GDAP1: variants seen among roughly 807,000 people sequenced by gnomAD.
GDAP1 encodes the protein ganglioside-induced differentiation-associated protein 1.
In GDAP1, 34 loss-of-function variants were observed where a neutral mutation model predicts 40.1. The observed-to-expected ratio is 0.85, with a 90% CI of 0.64 to 1.13. The LOEUF is 1.13. Ranked by LOEUF, GDAP1 falls within the 50% of genes most tolerant of loss-of-function variation. GDAP1 has a pLI of 0.00. For synonymous variants in GDAP1, 170 were observed against 157.4 expected (o/e 1.08, Z -0.60); for missense variants, 374 against 433.7 (o/e 0.86, Z 1.22).
In GDAP1 at chr8:74,361,763, A is replaced by C. The variant is rs1385085995; in HGVS notation, c.485-121A>C. The stretch of plus-strand genomic sequence containing the variant: ...GGCATAGACAGGGTAAGCCCAAGGC[A>C]GAGAAGCAGGGCATGAGCCCCAGAG... On this transcript the variant is annotated intron_variant, in intron 3 of 5. Transcript: ENST00000220822. The C allele has an allele frequency of 5.6e-6, 4 of 714,086 alleles. No homozygotes were observed. In the East Asian group the frequency reaches 1.1e-4, roughly 19 times the overall value. 44.2% of individuals were successfully genotyped at this position (714,086 alleles called of 1,614,324 possible).
chr8:74,430,757 A>G (rs1806015621), intron 2 of GDAP1, among the ~76,000 whole-genome samples: 1 of 151,808 alleles, frequency 6.6e-6, no homozygotes, highest in Admixed American at 6.6e-5. Context: ...GTGTTCAGTT[A>G]GGAGCACACC....
intron 2 of GDAP1, among the ~76,000 whole-genome samples, chr8:74,453,587 A>T (rs113570082): frequency 0.083 from 6,946 of 84,152 alleles, 3,024 homozygotes; most frequent in African/African-American, 0.34. Context: ...TGAAACTTTT[A>T]TACATTTGTA....
At chr8:74,355,155 T>G (rs1362786636) in intron 2 of GDAP1, among the ~76,000 whole-genome samples, 1 of 152,210 alleles carries the variant, frequency 6.6e-6, no homozygotes, top group African/African-American at 2.4e-5. Context: ...GAATATCTGT[T>G]GGATAATGGC....
At chr8:74,391,515 G>A (rs753757347) in intron 2 of GDAP1, among the ~76,000 whole-genome samples, 3 of 151,644 alleles carry the variant, frequency 2.0e-5, no homozygotes, top group Non-Finnish European at 4.4e-5. Context: ...TGCACCCACT[G>A]TCTAACCTTT....
intron 2 of GDAP1, among the ~76,000 whole-genome samples, chr8:74,441,489 TA>T (rs964411019): frequency 3.3e-5 from 5 of 152,140 alleles, no homozygotes; most frequent in Admixed American, 6.5e-5. Flanking sequence ...ACTTAGTGAA[TA>T]AAAAGGCTAT....
At chr8:74,459,428 G>A (rs900392460) in intron 2 of GDAP1, among the ~76,000 whole-genome samples, 15 of 152,120 alleles carry the variant, frequency 9.9e-5, no homozygotes, top group Admixed American at 6.5e-5. Context: ...GTCCCAGAGC[G>A]ACCTCTGTGG....
intron 2 of GDAP1, among the ~76,000 whole-genome samples, chr8:74,393,870 A>G (rs908098670): frequency 3.9e-5 from 6 of 152,170 alleles, no homozygotes; most frequent in Non-Finnish European, 8.8e-5. Flanking sequence ...GATAACTAGA[A>G]CCCTGAAGGT....
intron 2 of GDAP1, among the ~76,000 whole-genome samples, chr8:74,388,832 G>C (rs7841578): frequency 0.058 from 8,850 of 152,124 alleles, 878 homozygotes; most frequent in African/African-American, 0.2. Flanking sequence ...TTGTAGGTCT[G>C]TAAGAAATTG....
downstream of GDAP1, among the ~76,000 whole-genome samples, chr8:74,371,628 C>T (rs1169300330): frequency 6.6e-6 from 1 of 151,374 alleles, no homozygotes; most frequent in African/African-American, 2.4e-5. Context: ...CCACTGCACT[C>T]CAGCCTGGGC....
chr8:74,372,103 A>AT (rs1210776162), intron 2 of GDAP1, among the ~76,000 whole-genome samples: 1 of 152,050 alleles, frequency 6.6e-6, no homozygotes, highest in African/African-American at 2.4e-5. Flanking sequence ...TGAACTCATC[A>AT]TTTTTTATGG....
intron 2 of GDAP1, among the ~76,000 whole-genome samples, chr8:74,377,120 G>T (rs1809869478): frequency 1.3e-5 from 2 of 151,966 alleles, no homozygotes; most frequent in Admixed American, 1.3e-4. Flanking sequence ...AGAAAATAAA[G>T]AAAACATTTA....
At chr8:74,461,274 C>A (rs1182244515) in intron 2 of GDAP1, among the ~76,000 whole-genome samples, 1 of 152,158 alleles carries the variant, frequency 6.6e-6, no homozygotes, top group Non-Finnish European at 1.5e-5. Flanking sequence ...AATATAGATA[C>A]TTTCCCGGGA....
At chr8:74,358,073 T>A (rs1301402895) in intron 2 of GDAP1, among the ~76,000 whole-genome samples, 1 of 152,210 alleles carries the variant, frequency 6.6e-6, no homozygotes, top group African/African-American at 2.4e-5. Flanking sequence ...GATGGGGAGA[T>A]AACTTGGGTT....
intron 2 of GDAP1, among the ~76,000 whole-genome samples, chr8:74,473,028 G>C (rs766975840): frequency 6.6e-6 from 1 of 152,048 alleles, no homozygotes; most frequent in Non-Finnish European, 1.5e-5. Context: ...GGGATTACAG[G>C]CATGAGCCAC....
At chr8:74,428,044 C>G (rs2131563170) in intron 2 of GDAP1, among the ~76,000 whole-genome samples, 1 of 152,220 alleles carries the variant, frequency 6.6e-6, no homozygotes, top group African/African-American at 2.4e-5. Flanking sequence ...ACCTAAAGAT[C>G]AAATCAATAT....
intron 2 of GDAP1, among the ~76,000 whole-genome samples, chr8:74,381,542 G>T (rs1809953600): frequency 6.6e-6 from 1 of 151,938 alleles, no homozygotes; most frequent in Non-Finnish European, 1.5e-5. Flanking sequence ...CATCACTTGG[G>T]GCCAGGAGTT....
chr8:74,384,288 A>G (rs1475709758), intron 2 of GDAP1, among the ~76,000 whole-genome samples: 1 of 152,128 alleles, frequency 6.6e-6, no homozygotes, highest in East Asian at 1.9e-4. Flanking sequence ...TGTATTATAC[A>G]ATTTTTAAAA....
chr8:74,455,751 G>A (rs1345652189), intron 2 of GDAP1, among the ~76,000 whole-genome samples: 2 of 151,856 alleles, frequency 1.3e-5, no homozygotes, highest in African/African-American at 2.4e-5. Flanking sequence ...GGTGTGCCAA[G>A]TGCTTGACTA....
At position 74,456,769 on chromosome 8, in the gene GDAP1, C is replaced by CT. The variant is rs370348272; in HGVS notation, c.166-31903dup. 3.8e-3 allele frequency among the ~76,000 whole-genome samples: 579 copies of CT among 151,988 alleles called. 2 individuals carry two copies. Among genetic ancestry groups the CT allele is most frequent in the African/African-American group, 0.013 (553 of 41,504 alleles). The stretch of plus-strand genomic sequence containing the variant: ...ATACTCATGATACTGAAATAGCAGT[C>CT]TTTTTTGTGCCACAGGTTCACGGTA... On this transcript the variant is annotated intron_variant, in intron 2 of 2. Coordinates refer to the GDAP1 transcript ENST00000523640.
Sources: allele counts gnomAD v4.1 joint callset (sites outside exome capture counted in the v4.1 genomes callset), GRCh38; gene constraint gnomAD v4.1.1; transcripts MANE v1.5; gene names NCBI Gene and HGNC (gene_info 2026-07-23, HGNC 2026-07-21).